The following ABLIM1 variants were observed in gnomAD, a reference collection of about 807,000 sequenced individuals.
ABLIM1 encodes actin-binding LIM protein 1.
In ABLIM1, 40 loss-of-function variants were observed where a neutral mutation model predicts 107.0. The observed-to-expected ratio is 0.37, with a 90% confidence interval of 0.29 to 0.49. The LOEUF is 0.49. Among genes scored for constraint, ABLIM1 ranks in the 20% least tolerant of loss-of-function variants. The pLI is 0.97. For synonymous variants in ABLIM1, 357 were observed against 357.3 expected (o/e 1.00, Z 0.01); for missense variants, 857 against 1,008.5 (o/e 0.85, Z 2.04).
upstream of ABLIM1, among the ~76,000 whole-genome samples, chr10:114,689,688 T>TTTCCTTTCCTTGCCTCC (rs1042800347): frequency 6.6e-6 from 1 of 152,082 alleles, no homozygotes; most frequent in African/African-American, 2.4e-5. Context: ...TTCTTTTTCT[T>TTTCCTTTCCTTGCCTCC]TTCCTTTCCT....
rs56196859 is a variant in ABLIM1, at chr10:114,514,265, A to G, written c.895-22387T>C. On this transcript the variant is annotated intron_variant, in intron 6 of 22. Transcript: ENST00000533213. The stretch of plus-strand genomic sequence containing the variant: ...CGGTGAGCCAAGATCGCACCACTGC[A>G]CTCCAGCTGGGTGACAGAGCGAGAC... Among the ~76,000 whole-genome samples, 1,381 of 150,794 alleles carry G rather than the reference A, an allele frequency of 9.2e-3. 30 individuals are homozygous for G. Among genetic ancestry groups the G allele is most frequent in the African/African-American group, 0.032 (1,297 of 40,964 alleles).
intron 6 of ABLIM1, among the ~76,000 whole-genome samples, chr10:114,521,338 A>T (rs1038832166): frequency 6.6e-6 from 1 of 152,256 alleles, no homozygotes; most frequent in Admixed American, 6.5e-5. Flanking sequence ...CAAAGATGAG[A>T]GTCATACTCA....
intron 10 of ABLIM1, among the ~76,000 whole-genome samples, chr10:114,471,301 C>T (rs1412161406): frequency 6.6e-6 from 1 of 152,202 alleles, no homozygotes; most frequent in South Asian, 2.1e-4. Context: ...CAGACACGTA[C>T]ACTGCACACC....
intron 6 of ABLIM1, among the ~76,000 whole-genome samples, chr10:114,541,932 TCAGA>T (rs1383411512): frequency 1.5e-4 from 23 of 150,958 alleles, no homozygotes; most frequent in Admixed American, 2.6e-4. Flanking sequence ...ACTCACACAC[TCAGA>T]CACACACACA....
At chr10:114,714,144 T>G (rs1001657482) in intron 1 of ABLIM1, among the ~76,000 whole-genome samples, 1 of 152,232 alleles carries the variant, frequency 6.6e-6, no homozygotes, top group Non-Finnish European at 1.5e-5. Flanking sequence ...TAGCCTGGAA[T>G]TGAATGCCTT....
At chr10:114,784,373 GAAA>G in the ABLIM1 span, among the ~76,000 whole-genome samples, 1 of 147,852 alleles carries the variant, frequency 6.8e-6, no homozygotes, top group Non-Finnish European at 1.5e-5. Context: ...AAGAAAGAAA[GAAA>G]GAAATGGGCC....
At chr10:114,483,334 G>A (rs1214801397) in intron 8 of ABLIM1, among the ~76,000 whole-genome samples, 1 of 152,066 alleles carries the variant, frequency 6.6e-6, no homozygotes, top group African/African-American at 2.4e-5. Context: ...GCAGTGGCAT[G>A]ATCTTGGCTC....
intron 8 of ABLIM1, among the ~76,000 whole-genome samples, chr10:114,475,627 C>T (rs76703682): frequency 2.2e-3 from 337 of 152,188 alleles, no homozygotes; most frequent in Non-Finnish European, 1.7e-3. Flanking sequence ...GTTAATTACA[C>T]GATTTGAGCC....
chr10:114,748,388 T>C (rs808314), intron 1 of ABLIM1, among the ~76,000 whole-genome samples: 105,072 of 151,998 alleles, frequency 0.69, 36,488 homozygotes, highest in Non-Finnish European at 0.73. Context: ...CAGTTCAATT[T>C]TGCAAGTATG....
chr10:114,564,626 C>T (rs1055289937), intron 4 of ABLIM1, among the ~76,000 whole-genome samples: 5 of 152,038 alleles, frequency 3.3e-5, no homozygotes, highest in Admixed American at 2.6e-4. Flanking sequence ...TTCCATGAAG[C>T]GTCTTACTTT....
chr10:114,642,098 G>A (rs2140948396), intron 1 of ABLIM1, among the ~76,000 whole-genome samples: 1 of 150,942 alleles, frequency 6.6e-6, no homozygotes, highest in South Asian at 2.1e-4. Context: ...TCTTGCTATT[G>A]CACAGGCTGG....
intron 6 of ABLIM1, among the ~76,000 whole-genome samples, chr10:114,529,335 G>C (rs2065210451): frequency 6.6e-6 from 1 of 152,034 alleles, no homozygotes; most frequent in Non-Finnish European, 1.5e-5. Flanking sequence ...GTGGTGGCCA[G>C]GATGGTCTCG....
chr10:114,536,284 G>T (rs2066019712), intron 6 of ABLIM1, among the ~76,000 whole-genome samples: 2 of 116,786 alleles, frequency 1.7e-5, no homozygotes, highest in Admixed American at 1.1e-4. Context: ...TCTCACTCTT[G>T]TCGCCCAGGC....
At chr10:114,612,799 C>A (rs1429079034) in intron 1 of ABLIM1, among the ~76,000 whole-genome samples, 1 of 152,204 alleles carries the variant, frequency 6.6e-6, no homozygotes, top group Non-Finnish European at 1.5e-5. Context: ...GTGGTCCCAT[C>A]TGAGCCATTT....
intron 1 of ABLIM1, among the ~76,000 whole-genome samples, chr10:114,609,845 A>G (rs1566089967): frequency 1.3e-5 from 2 of 152,208 alleles, no homozygotes; most frequent in Non-Finnish European, 2.9e-5. Flanking sequence ...TCACAATCAA[A>G]ATAACTGCGT....
chr10:114,583,404 AACACACACAC>A lies in ABLIM1; in HGVS notation c.380-7815_380-7806del, dbSNP rs1164587300. Among the ~76,000 whole-genome samples the A allele has an allele frequency of 3.1e-3, 221 of 71,080 alleles. 2 individuals carry two copies. The highest frequency in any genetic ancestry group is 5.5e-3 in the East Asian group (5 of 910). 46.6% of individuals were successfully genotyped at this position (71,080 alleles called of 152,430 possible). A position where few individuals can be genotyped will look rare whatever the true frequency, so the allele number is the denominator to read the frequency against. On this transcript the variant is annotated intron_variant, in intron 2 of 22. Transcript: ENST00000533213. ...TGCTCCAAGGCTGTGGAGAAAAGGG[AACACACACAC>A]ACACACACACACACACACACACACA...
chr10:114,725,141 A>G (rs1201906046), intron 1 of ABLIM1, among the ~76,000 whole-genome samples: 1 of 152,206 alleles, frequency 6.6e-6, no homozygotes, highest in African/African-American at 2.4e-5. Flanking sequence ...TAAAACCTCC[A>G]ATTTTAAAAT....
rs1442042962 is a variant in ABLIM1 at position 114,619,188 on chromosome 10, CTCTT to C, written c.245-17231_245-17228del. Among the ~76,000 whole-genome samples, 8 of 148,630 alleles carry C rather than the reference CTCTT, an allele frequency of 5.4e-5. No homozygotes were observed. Among genetic ancestry groups the C allele is most frequent in the Admixed American group, 2.7e-4 (4 of 14,860 alleles). On this transcript the variant is annotated intron_variant, in intron 1 of 22. Transcript: ENST00000533213. The surrounding 1 kb of genome is among the most constrained non-coding windows in gnomAD (Gnocchi z 4.1). ...TATATTTTTTCTTTTTTTTTTCTTTCTCTTTCTTTCTTTTCTTTTTTTTTTTGAG... is the reference window on the plus strand; with the variant it reads ...TATATTTTTTCTTTTTTTTTTCTTTCTCTTTCTTTTCTTTTTTTTTTTGAG...
intron 4 of ABLIM1, among the ~76,000 whole-genome samples, chr10:114,565,164 G>C (rs1160109432): frequency 6.6e-6 from 1 of 152,198 alleles, no homozygotes; most frequent in African/African-American, 2.4e-5. Context: ...CATCCTATAG[G>C]GAGAATGTGT....
Sources: gnomAD v4.1 joint callset for allele counts (sites outside exome capture counted in the v4.1 genomes callset) on GRCh38, gnomAD v4.1.1 for gene constraint, Gnocchi (gnomAD v3.1) non-coding constraint, MANE v1.5 for transcripts, NCBI Gene and HGNC (gene_info 2026-07-23, HGNC 2026-07-21) for gene names.